Variants in KHSRP observed in about 807,000 individuals in gnomAD.
KHSRP encodes the protein KH-type splicing regulatory protein, also known as far upstream element-binding protein 2.
In KHSRP, 13 loss-of-function variants were observed where a neutral mutation model predicts 94.9. The ratio of observed to expected loss-of-function variants is 0.14; its 90% confidence interval spans 0.09 to 0.22. The LOEUF (loss-of-function observed/expected upper bound fraction) is 0.22. KHSRP is among the 10% of genes least tolerant of loss of function. The pLI is 1.00. For missense variants in KHSRP, 710 were observed against 1,010.0 expected, an observed-to-expected ratio of 0.70 and a Z score of 4.03; for synonymous variants, 495 against 401.4, an observed-to-expected ratio of 1.23 and a Z score of -2.79.
Position 6,418,863 on chromosome 19 carries a change from T to A in KHSRP, c.619A>T (p.Met207Leu). 1 of 1,550,102 alleles carries A rather than the reference T, an allele frequency of 6.5e-7. No individual in the cohort carries two copies. The highest frequency in any genetic ancestry group is 8.7e-7 in the Non-Finnish European group (1 of 1,152,878). ...CCCCGAGACACAATGTCATCCAGCA[T>A]CATCTTGGCTTTCCTGGGAAGGGGA... ...APESVQKAKMMLDDIVSRGRG... is the reference protein window; with the variant it reads ...APESVQKAKMLLDDIVSRGRG... The change falls in exon 8 of 19, where the codon ATG (methionine) becomes TTG (leucine). Residue 207 changes from methionine (M) to leucine (L), a missense_variant. By Grantham distance (15) the Met-to-Leu change is conservative. This residue lies in a region of KHSRP where 288 missense variants were observed against 501.1 expected (regional missense o/e 0.57). Transcript: ENST00000600480. The surrounding 1 kb of genome is among the most constrained non-coding windows in gnomAD (Gnocchi z 4.3).
Position 6,415,118 on chromosome 19 carries a change from G to A in KHSRP, c.2150C>T (p.Pro717Leu). The part of the protein sequence containing the change: ...QQQASGNCHP[P>L]PPPFSFQPPA... ...GGGTTGGAAGGAGAAAGGAGGAGGA[G>A]GAGGGTGGCAATTCCCACTTGCCTG... Residue 717 changes from proline to leucine, a missense_variant, in exon 19 of 19, where the codon CCT (proline) becomes CTT (leucine). Physicochemically the swap from Pro to Leu is moderately conservative, Grantham distance 98. This residue lies in a region of KHSRP where 292 missense variants were observed against 340.5 expected (regional missense o/e 0.86). Coordinates refer to ENST00000600480, the MANE Select transcript of KHSRP (RefSeq NM_001366299.1). 1 of 1,598,350 alleles carries A rather than the reference G, an allele frequency of 6.3e-7. No homozygotes were observed. Among genetic ancestry groups the A allele is most frequent in the Non-Finnish European group, 8.5e-7 (1 of 1,178,368 alleles).
chr19:6,421,624 T>C, intron 3 of KHSRP, 26 bp downstream of exon 3: 2 of 1,613,354 alleles, frequency 1.2e-6, no homozygotes, highest in Non-Finnish European at 1.7e-6. Flanking sequence ...AAGCCACATA[T>C]CTGCCACCAG....
rs984872222 is a variant in KHSRP at position 6,414,923 on chromosome 19, A to G, written c.*101T>C. ...GCACACAGGAACAAGCAGCCGGCGC[A>G]GGGAGGCCTCTTCGTTTAACCTCTG... On this transcript the variant is annotated 3_prime_UTR_variant, in exon 19 of 19. Coordinates refer to ENST00000600480, the MANE Select transcript of KHSRP (RefSeq NM_001366299.1). 2.0e-5 allele frequency: 28 copies of G among 1,403,062 alleles called. No individual in the cohort carries two copies. Among genetic ancestry groups the G allele is most frequent in the South Asian group, 8.2e-5 (5 of 61,094 alleles). 86.9% of individuals were successfully genotyped at this position (1,403,062 alleles called of 1,614,324 possible).
Position 6,418,943 on chromosome 19 carries a change from C to T in KHSRP, c.606-67G>A, listed in dbSNP as rs536100116. ...GGAGAAAGGTACTGGTCTGGTGGCC[C>T]ACCCAGCTCAAAGGGAAGGCGACCC... On this transcript the variant is annotated intron_variant, in intron 7 of 18. Transcript: ENST00000600480. The surrounding 1 kb of genome is among the most constrained non-coding windows in gnomAD (Gnocchi z 4.3). 75 of 1,451,946 alleles carry T rather than the reference C, an allele frequency of 5.2e-5. No individual in the cohort carries two copies. In the East Asian group the frequency reaches 1.7e-3, roughly 33 times the overall value. 89.9% of individuals were successfully genotyped at this position (1,451,946 alleles called of 1,614,324 possible).
chr19:6,415,842 G>A lies in KHSRP; in HGVS notation c.1653C>T (p.Tyr551=), dbSNP rs1285560712. 17 of 1,576,672 alleles carry A rather than the reference G, an allele frequency of 1.1e-5. No individual in the cohort carries two copies. In the East Asian group the frequency reaches 1.4e-4, roughly 13 times the overall value. Residue 551 remains tyrosine, a synonymous_variant, in exon 16 of 19, where the codon TAC becomes TAT. Coordinates refer to ENST00000600480, the MANE Select transcript of KHSRP (RefSeq NM_001366299.1). ...GAGGAGCAGGCGGCTGCCACTGGGGGTAGGTATTGCCCCAGCCCTGGGGTG... is the reference window on the plus strand; with the variant it reads ...GAGGAGCAGGCGGCTGCCACTGGGGATAGGTATTGCCCCAGCCCTGGGGTG... ...QYPPQGWGNT[Y]PQWQPPAPHD... is the part of the protein sequence containing the mutation.
At chr19:6,417,535 C>A (rs541786985) in intron 11 of KHSRP, among the ~76,000 whole-genome samples, 12 of 152,300 alleles carry the variant, frequency 7.9e-5, no homozygotes, top group African/African-American at 2.4e-4. Flanking sequence ...GGGATAGGAA[C>A]ACACGTTCCC....
chr19:6,420,951 G>T (rs552885302), intron 4 of KHSRP: 362 of 408,734 alleles, frequency 8.9e-4, no homozygotes, highest in Non-Finnish European at 1.5e-3. Context: ...GTGAGGGAGG[G>T]AAGCAAGGCC....
Position 6,420,141 on chromosome 19 carries a change from A to C in KHSRP, c.479T>G (p.Ile160Ser). The C allele has an allele frequency of 6.2e-7, 1 of 1,611,984 alleles. No individual in the cohort carries two copies. Among genetic ancestry groups the C allele is most frequent in the Non-Finnish European group, 8.5e-7 (1 of 1,178,362 alleles). The stretch of plus-strand genomic sequence containing the variant: ...GTTAATTTGTTCACCTCCTCTGCCA[A>C]TGACTGGATGGAGAAAGAAGGAGAA... The part of the protein sequence containing the change: ...RVPDGMVGLI[I>S]GRGGEQINKI... Residue 160 changes from isoleucine (I) to serine (S), a missense_variant, in exon 6 of 19, where the codon ATT (isoleucine) becomes AGT (serine). Physicochemically the swap from Ile to Ser is moderately radical, Grantham distance 142. Coordinates refer to ENST00000600480, the MANE Select transcript of KHSRP (RefSeq NM_001366299.1).
chr19:6,416,040 C>T, intron 15 of KHSRP, 144 bp from the exon 16 acceptor site: 1 of 659,182 alleles, frequency 1.5e-6, no homozygotes, highest in Admixed American at 3.3e-5. Flanking sequence ...AAGGCCTAGA[C>T]AAGAAGCAAC....
chr19:6,414,281 C>T lies in KHSRP; in HGVS notation c.*743G>A. ...CTGGAAGGACGTGCTTGTTAACTGT[C>T]TAGCCAGGTGCTCGCGGGACTCGCT... On this transcript the variant is annotated 3_prime_UTR_variant, in exon 19 of 19. Coordinates refer to ENST00000600480, the MANE Select transcript of KHSRP (RefSeq NM_001366299.1). 2.1e-6 allele frequency: 3 copies of T among 1,421,624 alleles called. No individual in the cohort carries two copies. Among genetic ancestry groups the T allele is most frequent in the Non-Finnish European group, 2.8e-6 (3 of 1,082,040 alleles). 88.1% of individuals were successfully genotyped at this position (1,421,624 alleles called of 1,614,324 possible). A position where few individuals can be genotyped will look rare whatever the true frequency, so the allele number is the denominator to read the frequency against.
In KHSRP at chr19:6,414,248, G is replaced by A. The variant is rs752352009; in HGVS notation, c.*776C>T. On this transcript the variant is annotated 3_prime_UTR_variant, in exon 19 of 19. Coordinates refer to ENST00000600480, the MANE Select transcript of KHSRP (RefSeq NM_001366299.1). ...GGAAGCCCCCTCCCAAACCTGCGCTGGCTCAGGCTGGAAGGACGTGCTTGT... is the reference window on the plus strand; with the variant it reads ...GGAAGCCCCCTCCCAAACCTGCGCTAGCTCAGGCTGGAAGGACGTGCTTGT... The A allele has an allele frequency of 2.0e-4, 304 of 1,490,052 alleles. No individual in the cohort carries two copies. The highest frequency in any genetic ancestry group is 1.8e-4 in the Non-Finnish European group (206 of 1,118,632). 92.3% of individuals were successfully genotyped at this position (1,490,052 alleles called of 1,614,324 possible).
Position 6,421,635 on chromosome 19 carries a change from A to AC in KHSRP, c.385+14dup. 6.2e-7 allele frequency: 1 copy of AC among 1,612,984 alleles called. No homozygotes were observed. Among genetic ancestry groups the AC allele is most frequent in the African/African-American group, 1.3e-5 (1 of 74,722 alleles). ...TCTGAAGCCACATATCTGCCACCAG[A>AC]CCCCCTGGACTTACAGTCTCCCTGG... On this transcript the variant is annotated intron_variant, in intron 3 of 18. Transcript: ENST00000600480.
rs2092166116 is a variant in KHSRP at position 6,418,134 on chromosome 19, C to T, written c.880-55G>A. 2.0e-6 allele frequency: 3 copies of T among 1,515,494 alleles called. No homozygotes were observed. Among genetic ancestry groups the T allele is most frequent in the Admixed American group, 1.7e-5 (1 of 58,040 alleles). 93.9% of individuals were successfully genotyped at this position (1,515,494 alleles called of 1,614,324 possible). On this transcript the variant is annotated intron_variant, in intron 9 of 18. Coordinates refer to ENST00000600480, the MANE Select transcript of KHSRP (RefSeq NM_001366299.1). The surrounding 1 kb of genome is among the most constrained non-coding windows in gnomAD (Gnocchi z 4.3). The stretch of plus-strand genomic sequence containing the variant: ...GGTGAGCCCTGCTGCCCCACACCCC[C>T]CCACCTCCTCGGGGGTGCGGGCCTC...
Position 6,414,385 on chromosome 19 carries a change from AG to A in KHSRP, c.*638del. 2.3e-6 allele frequency: 3 copies of A among 1,323,526 alleles called. No homozygotes were observed. The highest frequency in any genetic ancestry group is 2.9e-6 in the Non-Finnish European group (3 of 1,035,614). The allele number at this position is 1,323,526 out of a possible 1,614,324, so 82.0% of individuals were successfully genotyped here. On this transcript the variant is annotated 3_prime_UTR_variant, in exon 19 of 19. Transcript: ENST00000600480. ...AGGGGCCGCGGAGGGCGGAGGCGCT[AG>A]GGTCGTAGGGGAGCTGCCCTGTCTC...
rs924175927 is a variant in KHSRP at position 6,413,975 on chromosome 19, C to T, written c.*1049G>A. The T allele has an allele frequency of 1.1e-5, 13 of 1,214,000 alleles. No individual in the cohort carries two copies. Among genetic ancestry groups the T allele is most frequent in the African/African-American group, 1.5e-5 (1 of 64,710 alleles). The allele number at this position is 1,214,000 out of a possible 1,614,324, so 75.2% of individuals were successfully genotyped here. A position where few individuals can be genotyped will look rare whatever the true frequency, so the allele number is the denominator to read the frequency against. On this transcript the variant is annotated 3_prime_UTR_variant, in exon 19 of 19. Transcript: ENST00000600480. ...GGCATGCCCCCAAGTCCCCCCCACC[C>T]TGCTTGCCGCGAGGGCTCCCCAGTA...
At position 6,414,366 on chromosome 19, in the gene KHSRP, C is replaced by CGCGGAGG. The variant is rs894368176; in HGVS notation, c.*651_*657dup. ...CAGAGCAGGAAGAGAGGAGAGGGGC[C>CGCGGAGG]GCGGAGGGCGGAGGCGCTAGGGTCG... is the stretch of plus-strand genomic sequence containing the variant. On this transcript the variant is annotated 3_prime_UTR_variant, in exon 19 of 19. Coordinates refer to ENST00000600480, the MANE Select transcript of KHSRP (RefSeq NM_001366299.1). The CGCGGAGG allele has an allele frequency of 6.7e-6, 9 of 1,352,624 alleles. No homozygotes were observed. The East Asian group carries it at 1.4e-4, about 21-fold the overall frequency. The allele number at this position is 1,352,624 out of a possible 1,614,324, so 83.8% of individuals were successfully genotyped here.
Position 6,414,887 on chromosome 19 carries a change from T to TG in KHSRP, c.*136_*137insC. The TG allele has an allele frequency of 7.4e-7, 1 of 1,359,782 alleles. No homozygotes were observed. The allele number at this position is 1,359,782 out of a possible 1,614,324, so 84.2% of individuals were successfully genotyped here. A position where few individuals can be genotyped will look rare whatever the true frequency, so the allele number is the denominator to read the frequency against. On this transcript the variant is annotated 3_prime_UTR_variant, in exon 19 of 19. Transcript: ENST00000600480. The stretch of plus-strand genomic sequence containing the variant: ...CTGCGAGTCTCAGCGCTCCCCAGCA[T>TG]CACGACAGCGGCACACAGGAACAAG...
At position 6,415,652 on chromosome 19, in the gene KHSRP, G is replaced by T; in HGVS notation, c.1770C>A (p.Pro590=). 2 of 1,538,462 alleles carry T rather than the reference G, an allele frequency of 1.3e-6. No individual in the cohort carries two copies. The highest frequency in any genetic ancestry group is 1.9e-4 in the Middle Eastern group (1 of 5,204). The part of the protein sequence containing the change: ...YSHYYQQPPG[P]VPGPAPAPAA... ...CAGGGGCCGGTGCGGGGCCGGGGAC[G>T]GGGCCCGGGGGCTGCTGGTAGTAGT... The change falls in exon 17 of 19, where the codon CCC becomes CCA. Residue 590 remains proline, a synonymous_variant. Transcript: ENST00000600480.
Position 6,418,889 on chromosome 19 carries a change from G to A in KHSRP, c.606-13C>T, listed in dbSNP as rs2092174949. On this transcript the variant is annotated splice_polypyrimidine_tract_variant and intron_variant, in intron 7 of 18. Transcript: ENST00000600480. The surrounding 1 kb of genome is among the most constrained non-coding windows in gnomAD (Gnocchi z 4.3). Reference sequence around the variant, plus strand: ...CATCTTGGCTTTCCTGGGAAGGGGAGGAGCGGGGGATGAGCGGGTGCCACC... The same window carrying A: ...CATCTTGGCTTTCCTGGGAAGGGGAAGAGCGGGGGATGAGCGGGTGCCACC... 6.5e-7 allele frequency: 1 copy of A among 1,535,372 alleles called. No homozygotes were observed. Among genetic ancestry groups the A allele is most frequent in the Non-Finnish European group, 8.7e-7 (1 of 1,147,162 alleles).
Sources: allele counts gnomAD v4.1 joint callset (sites outside exome capture counted in the v4.1 genomes callset), GRCh38; gene constraint gnomAD v4.1.1; regional missense constraint gnomAD v4.1.1; non-coding constraint Gnocchi (gnomAD v3.1); transcripts MANE v1.5; gene names NCBI Gene and HGNC (gene_info 2026-07-23, HGNC 2026-07-21).